Variants in ZNF808 observed in about 807,000 individuals in gnomAD.
ZNF808 encodes the protein zinc finger protein 808.
Under a neutral mutation model 8.7 loss-of-function variants are expected in ZNF808, and 5 were observed. The observed-to-expected ratio is 0.58, with a 90% CI of 0.30 to 1.21. The LOEUF is 1.21. Among genes scored for constraint, ZNF808 ranks in the 50% most tolerant of loss-of-function variants. The pLI, the probability that ZNF808 is intolerant of heterozygous loss-of-function variation, is 0.07. For missense variants in ZNF808, 1,103 were observed against 1,098.4 expected (o/e 1.00, Z -0.06); for synonymous variants, 380 against 366.0 (o/e 1.04, Z -0.44).
intron 4 of ZNF808, among the ~76,000 whole-genome samples, chr19:52,551,352 C>T (rs1202354775): frequency 2.0e-5 from 3 of 149,344 alleles, no homozygotes; most frequent in Non-Finnish European, 4.4e-5. Flanking sequence ...ATTCCATTTG[C>T]CACCAAAAAA....
In ZNF808 at chr19:52,555,321, G is replaced by A. The variant is rs1600041980; in HGVS notation, c.2405G>A (p.Arg802His). 5.6e-6 allele frequency: 9 copies of A among 1,614,114 alleles called. No individual in the cohort carries two copies. Among genetic ancestry groups the A allele is most frequent in the East Asian group, 4.5e-5 (2 of 44,874 alleles). ...ACGGTTTGTGACAAGGCTTTCGTGC[G>A]TAATTCATACCTGGCAAGACATATT... The part of the protein sequence containing the change: ...KCTVCDKAFV[R>H]NSYLARHIRI... Residue 802 changes from arginine (R) to histidine (H), a missense_variant, in exon 5 of 5, where the codon CGT becomes CAT. Coordinates refer to ENST00000359798, the MANE Select transcript of ZNF808 (RefSeq NM_001039886.4).
chr19:52,558,672 A>G (rs1360190425), downstream of ZNF808, among the ~76,000 whole-genome samples: 1 of 152,172 alleles, frequency 6.6e-6, no homozygotes, highest in Non-Finnish European at 1.5e-5. Context: ...GCCTGGCAGC[A>G]TCTGAACTTT....
chr19:52,548,905 G>A (rs2059748742), intron 4 of ZNF808, among the ~76,000 whole-genome samples: 1 of 152,086 alleles, frequency 6.6e-6, no homozygotes, highest in Non-Finnish European at 1.5e-5. Context: ...ATCACCTGAG[G>A]TCAGGAGTTC....
Position 52,555,571 on chromosome 19 carries a change from T to G in ZNF808, c.2655T>G (p.Ser885Arg), listed in dbSNP as rs1474950609. ...YKCNECGKAF[S>R]DRSTLIHHQA... ...GTAATGAGTGTGGCAAAGCCTTTAG[T>G]GACCGGTCAACACTTATTCACCATC... The change falls in exon 5 of 5, where the codon AGT becomes AGG. Residue 885 changes from serine to arginine, a missense_variant. Ser to Arg is a moderately radical substitution (Grantham distance 110, BLOSUM62 -1). Transcript: ENST00000359798. The G allele has an allele frequency of 1.1e-5, 18 of 1,613,248 alleles. No individual in the cohort carries two copies. The highest frequency in any genetic ancestry group is 1.4e-5 in the Non-Finnish European group (16 of 1,179,644).
intron 2 of ZNF808, among the ~76,000 whole-genome samples, chr19:52,542,368 C>T (rs1156671969): frequency 1.3e-5 from 2 of 152,146 alleles, no homozygotes; most frequent in African/African-American, 2.4e-5. Flanking sequence ...GCTCCAGCCC[C>T]ACGGGTCGCT....
At position 52,553,103 on chromosome 19, in the gene ZNF808, G is replaced by A. The variant is rs769767080; in HGVS notation, c.191-4G>A. On this transcript the variant is annotated splice_region_variant and splice_polypyrimidine_tract_variant and intron_variant, in intron 4 of 4. Transcript: ENST00000359798. ...GGAAATGTATTGGTGTTTATATTTT[G>A]TAGATATCTCTTCCAAACACATGAT... 2 of 1,538,492 alleles carry A rather than the reference G, an allele frequency of 1.3e-6. No individual in the cohort carries two copies. The highest frequency in any genetic ancestry group is 1.7e-6 in the Non-Finnish European group (2 of 1,148,142).
exon 4 of ZNF808, chr19:52,564,040 T>C (rs4401146): frequency 0.095 from 54,486 of 571,684 alleles, 5,018 homozygotes; most frequent in African/African-American, 0.37. Context: ...CTCCTTTGTC[T>C]GCCATCATGG....
chr19:52,537,687 CAA>C (rs11330924), intron 2 of ZNF808, among the ~76,000 whole-genome samples: 2,751 of 116,972 alleles, frequency 0.024, 72 homozygotes, highest in African/African-American at 0.072. Flanking sequence ...GACCCTGTCT[CAA>C]AAAAAAAAAA....
rs139591093 is a variant in ZNF808 at position 52,530,346 on chromosome 19, C to T, written c.-121-2562C>T. ...AAGTGCTGGGATTCCTGGCGTGAGC[C>T]ACCACTCTCAACCCATAGTAGTTTT... On this transcript the variant is annotated intron_variant, in intron 1 of 4. Coordinates refer to ENST00000359798, the MANE Select transcript of ZNF808 (RefSeq NM_001039886.4). Among the ~76,000 whole-genome samples, 615 of 152,224 alleles carry T rather than the reference C, an allele frequency of 4.0e-3. 3 individuals are homozygous for T. The highest frequency in any genetic ancestry group is 0.014 in the African/African-American group (588 of 41,572).
chr19:52,565,642 G>A (rs1392104682), downstream of ZNF808, among the ~76,000 whole-genome samples: 1 of 152,054 alleles, frequency 6.6e-6, no homozygotes, highest in Non-Finnish European at 1.5e-5. Flanking sequence ...AAAATTCAGG[G>A]TCACTGAGCC....
chr19:52,565,865 T>C (rs1453001118), downstream of ZNF808, among the ~76,000 whole-genome samples: 1 of 152,180 alleles, frequency 6.6e-6, no homozygotes, highest in African/African-American at 2.4e-5. Context: ...AATTTGTAAA[T>C]TGCAGCCTGA....
downstream of ZNF808, chr19:52,556,616 A>C (rs2059837917): frequency 6.6e-6 from 1 of 151,758 alleles, no homozygotes; most frequent in Non-Finnish European, 1.5e-5. Context: ...GAGCCACCGT[A>C]CCCGGTCTTG....
chr19:52,568,393 C>CAAAAG (rs1168632625), downstream of ZNF808, among the ~76,000 whole-genome samples: 1 of 152,116 alleles, frequency 6.6e-6, no homozygotes, highest in Non-Finnish European at 1.5e-5. Context: ...CAAAACAAAA[C>CAAAAG]AAAATGTGCT....
At chr19:52,557,778 T>C (rs539757432), downstream of ZNF808, among the ~76,000 whole-genome samples, 24 of 152,314 alleles carry the variant, frequency 1.6e-4, no homozygotes, top group African/African-American at 5.5e-4. Context: ...ATGCGTAAGA[T>C]GCTTCTCTGA....
intron 3 of ZNF808, among the ~76,000 whole-genome samples, chr19:52,562,864 C>T (rs2059862429): frequency 6.6e-6 from 1 of 152,048 alleles, no homozygotes; most frequent in Non-Finnish European, 1.5e-5. Context: ...ACCTACGCCT[C>T]CTTGGTTCAA....
intron 2 of ZNF808, among the ~76,000 whole-genome samples, chr19:52,539,012 C>G (rs92520): frequency 6.6e-6 from 1 of 150,384 alleles, no homozygotes; most frequent in Non-Finnish European, 1.5e-5. Flanking sequence ...TTGACTCATT[C>G]GTTGTGGATC....
rs329965 is a variant in ZNF808, at chr19:52,553,700, G to A, written c.784G>A (p.Asp262Asn). 445,240 of 1,613,808 alleles carry A rather than the reference G, an allele frequency of 0.28. 63,305 individuals carry two copies. Among genetic ancestry groups the A allele is most frequent in the Middle Eastern group, 0.31 (1,888 of 6,062 alleles). Residue 262 changes from aspartate to asparagine, a missense_variant, in exon 5 of 5, where the codon GAT (aspartate) becomes AAT (asparagine). Transcript: ENST00000359798. ...PHLGDKQYKC[D>N]VCGKLFNHKQ... The stretch of plus-strand genomic sequence containing the variant: ...TTTAGGAGACAAACAATATAAATGT[G>A]ATGTATGTGGCAAGCTCTTTAATCA...
chr19:52,547,743 T>C, intron 4 of ZNF808, 105 bp downstream of exon 4: 1 of 1,348,186 alleles, frequency 7.4e-7, no homozygotes, highest in African/African-American at 1.5e-5. Flanking sequence ...ATGCTGGTTT[T>C]TTTTTTTTTT....
intron 3 of ZNF808, among the ~76,000 whole-genome samples, chr19:52,545,749 C>T (rs1234298389): frequency 1.3e-5 from 2 of 151,538 alleles, no homozygotes; most frequent in East Asian, 3.9e-4. Context: ...CACTGTATTC[C>T]AGCCTGTGCA....
Sources: allele counts gnomAD v4.1 joint callset (sites outside exome capture counted in the v4.1 genomes callset), GRCh38; gene constraint gnomAD v4.1.1; transcripts MANE v1.5; gene names NCBI Gene and HGNC (gene_info 2026-07-23, HGNC 2026-07-21).